Variants in LIPA observed in about 807,000 individuals in gnomAD.
LIPA encodes the protein lysosomal acid lipase/cholesteryl ester hydrolase.
In LIPA, 26 loss-of-function variants were observed where a neutral mutation model predicts 40.6. That is an observed-to-expected ratio of 0.64 (90% CI 0.47 to 0.89). The LOEUF is 0.89. Ranked by LOEUF, LIPA falls within the 40% of genes least tolerant of loss-of-function variation. The pLI is 0.00. For synonymous variants in LIPA, 188 were observed against 168.4 expected, an observed-to-expected ratio of 1.12 and a Z score of -0.90; for missense variants, 455 against 479.6, an observed-to-expected ratio of 0.95 and a Z score of 0.48.
chr10:89,380,034 CAA>C (rs750085635), intron 2 of LIPA, among the ~76,000 whole-genome samples: 8 of 79,458 alleles, frequency 1.0e-4, no homozygotes, highest in Admixed American at 1.4e-4. Context: ...GACTCCGTCT[CAA>C]AAAAAAAAAA....
intron 8 of LIPA, 127 bp from the exon 9 acceptor site, chr10:89,216,136 TC>T (rs1564749226): frequency 1.4e-6 from 1 of 717,188 alleles, no homozygotes; most frequent in Non-Finnish European, 2.5e-6. Context: ...ACTCTTCATT[TC>T]CAAGGCATTA....
At chr10:89,351,246 G>T (rs1011833921) in intron 2 of LIPA, among the ~76,000 whole-genome samples, 6 of 152,218 alleles carry the variant, frequency 3.9e-5, no homozygotes, top group Admixed American at 3.9e-4. Context: ...AGCCCAGGAG[G>T]TTGAGGCTAC....
intron 1 of LIPA, chr10:89,306,084 A>G (rs767979935): frequency 2.2e-5 from 35 of 1,614,148 alleles, no homozygotes; most frequent in Non-Finnish European, 2.9e-5. Flanking sequence ...TACCGGACTG[A>G]GTTTCAGAAT....
chr10:89,272,465 A>G (rs1402709592), intron 1 of LIPA, among the ~76,000 whole-genome samples: 2 of 152,194 alleles, frequency 1.3e-5, no homozygotes, highest in Non-Finnish European at 2.9e-5. Context: ...TCCATAGTGT[A>G]TGTGTACAAC....
intron 2 of LIPA, among the ~76,000 whole-genome samples, chr10:89,348,781 A>T (rs1843940857): frequency 6.6e-6 from 1 of 152,132 alleles, no homozygotes; most frequent in East Asian, 1.9e-4. Context: ...AAGGAACTTG[A>T]GATTTTCCTT....
intron 1 of LIPA, among the ~76,000 whole-genome samples, chr10:89,287,032 G>C (rs1843344656): frequency 6.6e-6 from 1 of 152,330 alleles, no homozygotes; most frequent in South Asian, 2.1e-4. Flanking sequence ...CTCCTAAGCT[G>C]TGTCCCATCT....
chr10:89,348,997 A>G (rs544709940), intron 2 of LIPA, among the ~76,000 whole-genome samples: 6 of 152,314 alleles, frequency 3.9e-5, no homozygotes, highest in Non-Finnish European at 5.9e-5. Context: ...CAAACTTCTA[A>G]GGTCAGGAAA....
intron 1 of LIPA, among the ~76,000 whole-genome samples, chr10:89,323,880 CCTAACAAG>C (rs1250412458): frequency 1.3e-5 from 2 of 152,144 alleles, no homozygotes; most frequent in Non-Finnish European, 2.9e-5. Context: ...CAATGCTATT[CCTAACAAG>C]CTACCAATGA....
At chr10:89,412,661 C>T (rs757649008) in intron 2 of LIPA, 89 of 378,610 alleles carry the variant, frequency 2.4e-4, no homozygotes, top group Non-Finnish European at 4.1e-4. Flanking sequence ...GGCTTTACTC[C>T]TGAAGTCAGT....
At chr10:89,389,288 C>G (rs147238647) in intron 2 of LIPA, among the ~76,000 whole-genome samples, 2 of 152,080 alleles carry the variant, frequency 1.3e-5, no homozygotes, top group African/African-American at 2.4e-5. Flanking sequence ...TTCAGTCAAG[C>G]CTTTGGTTTT....
intron 2 of LIPA, among the ~76,000 whole-genome samples, chr10:89,355,789 CATT>C (rs1481544350): frequency 6.6e-6 from 1 of 152,144 alleles, no homozygotes; most frequent in African/African-American, 2.4e-5. Context: ...CTAAATTTAG[CATT>C]ATAATTTAGC....
At chr10:89,340,131 C>A in intron 1 of LIPA, 1 of 1,577,118 alleles carries the variant, frequency 6.3e-7, no homozygotes, top group Non-Finnish European at 8.6e-7. Context: ...TGAACTGAGA[C>A]AGAGGAGGAA....
intron 2 of LIPA, among the ~76,000 whole-genome samples, chr10:89,401,930 T>C (rs1844431313): frequency 6.6e-6 from 1 of 152,226 alleles, no homozygotes; most frequent in Non-Finnish European, 1.5e-5. Flanking sequence ...TATCTTAATA[T>C]TAAAATAAGA....
intron 2 of LIPA, among the ~76,000 whole-genome samples, chr10:89,374,756 G>C (rs547337846): frequency 1.1e-4 from 16 of 152,328 alleles, no homozygotes; most frequent in African/African-American, 3.6e-4. Flanking sequence ...TGGAGAGAGA[G>C]AGCTGAGAGG....
intron 1 of LIPA, among the ~76,000 whole-genome samples, chr10:89,261,532 A>G (rs1053518383): frequency 6.6e-6 from 1 of 152,132 alleles, no homozygotes. Context: ...AATTAAAATT[A>G]AAATTTAAAA....
chr10:89,362,707 A>G (rs1464863531), intron 2 of LIPA: 2 of 698,514 alleles, frequency 2.9e-6, no homozygotes, highest in East Asian at 3.2e-5. Context: ...GCTTCCCGCT[A>G]TAGAATGGAG....
At chr10:89,374,118 C>A (rs938135625) in intron 2 of LIPA, among the ~76,000 whole-genome samples, 1 of 152,184 alleles carries the variant, frequency 6.6e-6, no homozygotes, top group Non-Finnish European at 1.5e-5. Flanking sequence ...TCAAGGCCAA[C>A]CTTTTTCTAT....
chr10:89,383,349 C>T (rs1040408455), intron 2 of LIPA: 2 of 1,613,664 alleles, frequency 1.2e-6, no homozygotes, highest in African/African-American at 2.7e-5. Flanking sequence ...TTATTGAAGA[C>T]AGCCTGATTC....
At chr10:89,376,926 A>C (rs7094975) in intron 2 of LIPA, among the ~76,000 whole-genome samples, 5 of 152,192 alleles carry the variant, frequency 3.3e-5, no homozygotes, top group Admixed American at 2.6e-4. Context: ...CTACAGTTTC[A>C]TTTGGTAATT....
Sources: allele counts gnomAD v4.1 joint callset (sites outside exome capture counted in the v4.1 genomes callset), GRCh38; gene constraint gnomAD v4.1.1; transcripts MANE v1.5; gene names NCBI Gene and HGNC (gene_info 2026-07-23, HGNC 2026-07-21).